The following BMP8B variants were observed in gnomAD, a reference collection of about 807,000 sequenced individuals.
The protein encoded by BMP8B is bone morphogenetic protein 8b.
BMP8B carries 17 observed loss-of-function variants against 30.3 expected under a neutral mutation model. The ratio of observed to expected loss-of-function variants is 0.56; its 90% CI spans 0.38 to 0.84. BMP8B has a LOEUF of 0.84. BMP8B is among the 40% of genes least tolerant of loss of function. BMP8B has a pLI of 0.00. For missense variants in BMP8B, 253 were observed against 494.6 expected, an observed-to-expected ratio of 0.51 and a Z score of 4.63; for synonymous variants, 131 against 214.7, an observed-to-expected ratio of 0.61 and a Z score of 3.41.
At chr1:39,770,050 G>C in intron 3 of BMP8B, 1 of 1,337,514 alleles carries the variant, frequency 7.5e-7, no homozygotes, top group Non-Finnish European at 1.0e-6. Flanking sequence ...CGCCGTATTT[G>C]GAAACCTGCA....
In BMP8B at chr1:39,757,542, C is replaced by T. The variant is rs1022413342; in HGVS notation, c.*2877G>A. 2 of 152,260 alleles carry T rather than the reference C, an allele frequency of 1.3e-5. No homozygotes were observed. Among genetic ancestry groups the T allele is most frequent in the Non-Finnish European group, 2.9e-5 (2 of 68,046 alleles). 9.4% of individuals were successfully genotyped at this position (152,260 alleles called of 1,614,324 possible). On this transcript the variant is annotated 3_prime_UTR_variant, in exon 7 of 7. Transcript: ENST00000372827. ...CTTGGCCTCAAGGCCAGTATTGCACCGCAAGGACCAAGACTGCTGGGCATT... is the reference window on the plus strand; with the variant it reads ...CTTGGCCTCAAGGCCAGTATTGCACTGCAAGGACCAAGACTGCTGGGCATT...
intron 3 of BMP8B, chr1:39,770,508 C>G (rs1649886482): frequency 6.2e-7 from 1 of 1,610,488 alleles, no homozygotes; most frequent in Non-Finnish European, 8.5e-7. Context: ...GCCCCCACCT[C>G]CACGATCTCT....
chr1:39,775,370 G>C (rs1194334323), intron 1 of BMP8B, among the ~76,000 whole-genome samples: 1 of 152,170 alleles, frequency 6.6e-6, no homozygotes, highest in Non-Finnish European at 1.5e-5. Context: ...ACAGAGGAGG[G>C]AGCCTCCTCT....
chr1:39,782,092 A>C (rs1387531272), intron 1 of BMP8B, among the ~76,000 whole-genome samples: 7 of 150,960 alleles, frequency 4.6e-5, no homozygotes. Flanking sequence ...AGGAGGTTGC[A>C]GTGAGCCAAG....
intron 1 of BMP8B, among the ~76,000 whole-genome samples, chr1:39,780,282 C>T (rs1334233215): frequency 4.6e-5 from 7 of 152,124 alleles, no homozygotes; most frequent in Non-Finnish European, 7.4e-5. Flanking sequence ...ATTATTCATC[C>T]CAGGTTATAG....
chr1:39,782,535 T>G (rs928714904), intron 1 of BMP8B, among the ~76,000 whole-genome samples: 2 of 152,040 alleles, frequency 1.3e-5, no homozygotes, highest in African/African-American at 2.4e-5. Flanking sequence ...TGGCGCGATC[T>G]CGGCTCACTG....
At chr1:39,762,714 C>T in intron 6 of BMP8B, 5 of 1,456,324 alleles carry the variant, frequency 3.4e-6, no homozygotes, top group Non-Finnish European at 4.6e-6. Flanking sequence ...GTCAGACTTG[C>T]CAGCGTACTC....
intron 1 of BMP8B, among the ~76,000 whole-genome samples, chr1:39,777,857 C>T (rs2124480252): frequency 6.6e-6 from 1 of 152,322 alleles, no homozygotes; most frequent in East Asian, 1.9e-4. Context: ...CCTGCAGACG[C>T]CTCCCGCAGA....
chr1:39,762,396 C>T, intron 6 of BMP8B: 2 of 1,303,190 alleles, frequency 1.5e-6, no homozygotes, highest in Non-Finnish European at 2.1e-6. Flanking sequence ...ATACCAGGAA[C>T]TGGGATTCTA....
At chr1:39,762,697 A>AC in intron 6 of BMP8B, 1 of 1,476,146 alleles carries the variant, frequency 6.8e-7, no homozygotes, top group African/African-American at 1.4e-5. Flanking sequence ...CACACATATC[A>AC]CGGGCGGTCA....
intron 3 of BMP8B, among the ~76,000 whole-genome samples, chr1:39,769,206 G>A (rs1024670746): frequency 2.0e-5 from 3 of 150,718 alleles, no homozygotes; most frequent in African/African-American, 7.3e-5. Context: ...AAAAAAGAAA[G>A]AGAAGGAAAA....
chr1:39,771,340 C>G lies in BMP8B; in HGVS notation c.673+2968G>C, dbSNP rs1376844103. ...CGCGTCACAGAGCAGGGCGGGCGCC[C>G]GCGCCCTGACGCACTCCCTCCCAGC... On this transcript the variant is annotated intron_variant, in intron 3 of 6. Coordinates refer to ENST00000372827, the MANE Select transcript of BMP8B (RefSeq NM_001720.5). The G allele has an allele frequency of 2.0e-5, 19 of 958,994 alleles. No individual in the cohort carries two copies. The East Asian group carries it at 5.2e-4, about 26-fold the overall frequency. The allele number at this position is 958,994 out of a possible 1,614,324, so 59.4% of individuals were successfully genotyped here.
intron 3 of BMP8B, chr1:39,771,271 G>A: frequency 6.6e-7 from 1 of 1,509,840 alleles, no homozygotes; most frequent in Non-Finnish European, 8.8e-7. Flanking sequence ...GCCCGGGTCG[G>A]AGGCCAGGAC....
intron 1 of BMP8B, among the ~76,000 whole-genome samples, chr1:39,785,809 C>T (rs1650940603): frequency 6.6e-6 from 1 of 152,112 alleles, no homozygotes; most frequent in Non-Finnish European, 1.5e-5. Flanking sequence ...TAATCCATGC[C>T]CCCCCACCGC....
At position 39,759,661 on chromosome 1, in the gene BMP8B, A is replaced by G. The variant is rs1474051656; in HGVS notation, c.*758T>C. 2 of 152,260 alleles carry G rather than the reference A, an allele frequency of 1.3e-5. No individual in the cohort carries two copies. Among genetic ancestry groups the G allele is most frequent in the East Asian group, 1.9e-4 (1 of 5,208 alleles). 9.4% of individuals were successfully genotyped at this position (152,260 alleles called of 1,614,324 possible). Reference sequence around the variant, plus strand: ...AGAGCTGAGCTCCTGGTGGGGCAACATGGTGGCAGATAGATGGGTCAATTG... The same window carrying G: ...AGAGCTGAGCTCCTGGTGGGGCAACGTGGTGGCAGATAGATGGGTCAATTG... On this transcript the variant is annotated 3_prime_UTR_variant, in exon 7 of 7. Coordinates refer to ENST00000372827, the MANE Select transcript of BMP8B (RefSeq NM_001720.5).
chr1:39,787,180 T>C (rs538932303), intron 1 of BMP8B, among the ~76,000 whole-genome samples: 36 of 151,678 alleles, frequency 2.4e-4, no homozygotes, highest in African/African-American at 8.5e-4. Flanking sequence ...GTTATCAGGG[T>C]TGTCGGGAGG....
At chr1:39,783,754 G>A (rs4660991) in intron 1 of BMP8B, among the ~76,000 whole-genome samples, 22,954 of 152,008 alleles carry the variant, frequency 0.15, 2,008 homozygotes, top group Middle Eastern at 0.28. Flanking sequence ...CAAAAGATTT[G>A]AAGCAATTAG....
chr1:39,762,604 G>GT, intron 6 of BMP8B: 1 of 1,550,104 alleles, frequency 6.5e-7, no homozygotes, highest in Non-Finnish European at 8.7e-7. Context: ...AAGCCAAAAG[G>GT]TTGAGAGCCA....
chr1:39,776,726 G>C (rs1282773176), intron 1 of BMP8B, among the ~76,000 whole-genome samples: 14 of 152,208 alleles, frequency 9.2e-5, no homozygotes, highest in Non-Finnish European at 2.1e-4. Context: ...ATAATACTTT[G>C]AATTAAGTTT....
Sources: gnomAD v4.1 joint callset for allele counts (sites outside exome capture counted in the v4.1 genomes callset) on GRCh38, gnomAD v4.1.1 for gene constraint, MANE v1.5 for transcripts, NCBI Gene and HGNC (gene_info 2026-07-23, HGNC 2026-07-21) for gene names.